Variants in EPHA5 observed in about 807,000 individuals in gnomAD.
EPHA5 encodes ephrin type-A receptor 5.
A neutral mutation model predicts 105.0 loss-of-function variants in EPHA5; 60 were observed. The observed-to-expected ratio is 0.57, with a 90% CI of 0.46 to 0.71. The LOEUF is 0.71. Among genes scored for constraint, EPHA5 ranks in the 30% least tolerant of loss-of-function variants. EPHA5 has a pLI of 0.00. For synonymous variants in EPHA5, 513 were observed against 449.1 expected (o/e 1.14, Z -1.80); for missense variants, 1,218 against 1,274.7 (o/e 0.96, Z 0.68).
rs1221771255 is a variant in EPHA5 at position 65,320,598 on chromosome 4, G to T, written c.*3516C>A. On this transcript the variant is annotated 3_prime_UTR_variant, in exon 17 of 17. Transcript: ENST00000613740. ...AAATGTCTTCAGAAGGTAAATATCT[G>T]TGCTTGTGCTTCTGAGAACCCACTT... 1 of 229,788 alleles carries T rather than the reference G, an allele frequency of 4.4e-6. No individual in the cohort carries two copies. Among genetic ancestry groups the T allele is most frequent in the East Asian group, 6.2e-5 (1 of 16,236 alleles). 14.2% of individuals were successfully genotyped at this position (229,788 alleles called of 1,614,324 possible). A position where few individuals can be genotyped will look rare whatever the true frequency, so the allele number is the denominator to read the frequency against.
chr4:65,654,617 G>A (rs1002697562), intron 1 of EPHA5, among the ~76,000 whole-genome samples: 4 of 150,316 alleles, frequency 2.7e-5, no homozygotes, highest in Non-Finnish European at 5.9e-5. Context: ...CTCTCAGGAT[G>A]TAACTATCTA....
In EPHA5 at chr4:65,422,716, T is replaced by C. The variant is rs1202627021; in HGVS notation, c.1403-2151A>G. 7.9e-5 allele frequency among the ~76,000 whole-genome samples: 12 copies of C among 152,228 alleles called. No homozygotes were observed. In the East Asian group the frequency reaches 2.1e-3, roughly 27 times the overall value. ...AGCTAACCTTTGCATACTAGTATGATATGCAAAATGGAGATCCTTTAGGCT... is the reference window on the plus strand; with the variant it reads ...AGCTAACCTTTGCATACTAGTATGACATGCAAAATGGAGATCCTTTAGGCT... On this transcript the variant is annotated intron_variant, in intron 5 of 16. Transcript: ENST00000613740.
intron 16 of EPHA5, among the ~76,000 whole-genome samples, chr4:65,326,237 T>C (rs1199129533): frequency 6.6e-6 from 1 of 151,040 alleles, no homozygotes. Flanking sequence ...TTAGATAATT[T>C]GAATTACTTA....
intron 4 of EPHA5, 95 bp from the exon 5 acceptor site, chr4:65,490,807 G>T (rs1402952403): frequency 1.6e-5 from 20 of 1,264,862 alleles, no homozygotes; most frequent in Non-Finnish European, 1.3e-5. Flanking sequence ...GGAAAAAATA[G>T]ATTTGCAATA....
At chr4:65,426,726 G>T (rs962827987) in intron 5 of EPHA5, among the ~76,000 whole-genome samples, 1 of 152,090 alleles carries the variant, frequency 6.6e-6, no homozygotes, top group East Asian at 1.9e-4. Flanking sequence ...GATCGTTCTA[G>T]TCTCCTCACT....
chr4:65,605,272 G>A (rs535903501), intron 2 of EPHA5, among the ~76,000 whole-genome samples: 1 of 152,196 alleles, frequency 6.6e-6, no homozygotes, highest in South Asian at 2.1e-4. Flanking sequence ...GAAGGGTCGG[G>A]GGAAGAAAGA....
chr4:65,360,532 C>G (rs1035428186), intron 11 of EPHA5, among the ~76,000 whole-genome samples: 1 of 151,386 alleles, frequency 6.6e-6, no homozygotes, highest in African/African-American at 2.4e-5. Flanking sequence ...TAATTTTTCC[C>G]TTCTGTAAAA....
chr4:65,610,848 C>T (rs1744699238), intron 2 of EPHA5, among the ~76,000 whole-genome samples: 1 of 152,122 alleles, frequency 6.6e-6, no homozygotes, highest in East Asian at 1.9e-4. Flanking sequence ...TAGTTTAGTT[C>T]CATTATGGTA....
intron 8 of EPHA5, among the ~76,000 whole-genome samples, chr4:65,395,214 C>T (rs1721098300): frequency 6.6e-6 from 1 of 152,112 alleles, no homozygotes; most frequent in Non-Finnish European, 1.5e-5. Context: ...GGACAGATTC[C>T]AATTGTACTG....
chr4:65,408,820 C>T (rs1179097081), intron 7 of EPHA5, among the ~76,000 whole-genome samples: 59 of 151,762 alleles, frequency 3.9e-4, no homozygotes, highest in African/African-American at 1.3e-3. Context: ...TACCATTTGA[C>T]CCAGCCATCC....
At chr4:65,643,109 G>A (rs1416555127) in intron 2 of EPHA5, among the ~76,000 whole-genome samples, 2 of 151,916 alleles carry the variant, frequency 1.3e-5, no homozygotes, top group Non-Finnish European at 2.9e-5. Context: ...AATGCTGAAG[G>A]AAACTTCACA....
intron 3 of EPHA5, among the ~76,000 whole-genome samples, chr4:65,564,719 C>G (rs1421947621): frequency 6.6e-6 from 1 of 151,492 alleles, no homozygotes; most frequent in African/African-American, 2.4e-5. Flanking sequence ...AGATAAATAT[C>G]TGTTGTAATG....
chr4:65,477,149 A>C (rs558391532), intron 5 of EPHA5, among the ~76,000 whole-genome samples: 3 of 152,332 alleles, frequency 2.0e-5, no homozygotes, highest in African/African-American at 7.2e-5. Flanking sequence ...GCTTCGAGTT[A>C]CCTTAGAAAG....
chr4:65,578,078 C>G lies in EPHA5; in HGVS notation c.910+23563G>C, dbSNP rs570453630. 3.3e-5 allele frequency among the ~76,000 whole-genome samples: 5 copies of G among 152,272 alleles called. No homozygotes were observed. In the East Asian group the frequency reaches 7.7e-4, roughly 24 times the overall value. ...AAGCTACTTCTTGGGATATCTCTAT[C>G]TTTATATCAGTATACCTATATCAAC... On this transcript the variant is annotated intron_variant, in intron 3 of 16. Transcript: ENST00000613740.
intron 5 of EPHA5, among the ~76,000 whole-genome samples, chr4:65,483,743 A>G (rs554837993): frequency 6.6e-6 from 1 of 152,000 alleles, no homozygotes; most frequent in Admixed American, 6.6e-5. Context: ...TCAGCTTTTG[A>G]TTATTTTACC....
chr4:65,626,678 T>C (rs954936022), intron 2 of EPHA5, among the ~76,000 whole-genome samples: 4 of 152,192 alleles, frequency 2.6e-5, no homozygotes, highest in Non-Finnish European at 1.5e-5. Flanking sequence ...ATCAAAGTTG[T>C]ATGTGGACGA....
At chr4:65,628,497 G>A (rs542187914) in intron 2 of EPHA5, among the ~76,000 whole-genome samples, 2 of 152,016 alleles carry the variant, frequency 1.3e-5, no homozygotes, top group African/African-American at 4.8e-5. Context: ...CCTGATATTA[G>A]CCTTGAGATT....
intron 2 of EPHA5, among the ~76,000 whole-genome samples, chr4:65,616,300 C>G (rs1463951404): frequency 6.6e-6 from 1 of 151,630 alleles, no homozygotes; most frequent in Non-Finnish European, 1.5e-5. Context: ...AAGAAGTAAA[C>G]AAGAAATATA....
At chr4:65,573,618 A>G in intron 3 of EPHA5, 1 of 1,599,998 alleles carries the variant, frequency 6.3e-7, no homozygotes, top group Non-Finnish European at 8.5e-7. Context: ...TGTCAGAGGA[A>G]TTGGCAGGTA....
Sources: gnomAD v4.1 joint callset for allele counts (sites outside exome capture counted in the v4.1 genomes callset) on GRCh38, gnomAD v4.1.1 for gene constraint, MANE v1.5 for transcripts, NCBI Gene and HGNC (gene_info 2026-07-23, HGNC 2026-07-21) for gene names.